The following CPSF1 variants were observed in gnomAD, a reference collection of about 807,000 sequenced individuals.
The protein encoded by CPSF1 is cleavage and polyadenylation specific factor 1.
CPSF1 carries 106 observed loss-of-function variants against 175.8 expected under a neutral mutation model. The observed-to-expected ratio is 0.60, with a 90% CI of 0.52 to 0.71. CPSF1 has a LOEUF of 0.71. CPSF1 is among the 30% of genes least tolerant of loss of function. The probability of loss-of-function intolerance (pLI) is 0.00; values close to 1 mark genes in which losing one functional copy is unlikely to be tolerated. For missense variants in CPSF1, 1,734 were observed against 2,022.9 expected, an observed-to-expected ratio of 0.86 and a Z score of 2.74; for synonymous variants, 1,024 against 858.3, an observed-to-expected ratio of 1.19 and a Z score of -3.37.
At position 144,401,070 on chromosome 8, in the gene CPSF1, C is replaced by A; in HGVS notation, c.393G>T (p.Gly131=). 4 of 1,606,012 alleles carry A rather than the reference C, an allele frequency of 2.5e-6. No homozygotes were observed. The highest frequency in any genetic ancestry group is 2.2e-5 in the South Asian group (2 of 90,388). The change falls in exon 6 of 38, where the codon GGG becomes GGT. Residue 131 remains glycine, a synonymous_variant. Coordinates refer to ENST00000616140, the MANE Select transcript of CPSF1 (RefSeq NM_013291.3). ...GCGGCGTGTGTACATTCTGCACAAACCCGTCCTGGGGGCAGAGGGGGCATC... is the reference window on the plus strand; with the variant it reads ...GCGGCGTGTGTACATTCTGCACAAAACCGTCCTGGGGGCAGAGGGGGCATC... ...HYFEEPELRD[G]FVQNVHTPRV...
In CPSF1 at chr8:144,393,677, G is replaced by A. The variant is rs1820495162; in HGVS notation, c.4135C>T (p.Arg1379Cys). The change falls in exon 36 of 38, where the codon CGC (arginine) becomes TGC (cysteine). Residue 1379 changes from arginine (R) to cysteine (C), a missense_variant. Physicochemically the swap from Arg to Cys is radical, Grantham distance 180. Coordinates refer to ENST00000616140, the MANE Select transcript of CPSF1 (RefSeq NM_013291.3). The part of the protein sequence containing the change: ...MLPHHAGLNP[R>C]AFRMLHVDRR... Reference sequence around the variant, plus strand: ...GGGGCCGGGGCTCACCGGAAGGCGCGGGGGTTGAGGCCGGCGTGGTGTGGC... The same window carrying A: ...GGGGCCGGGGCTCACCGGAAGGCGCAGGGGTTGAGGCCGGCGTGGTGTGGC... The A allele has an allele frequency of 1.3e-6, 2 of 1,563,396 alleles. No homozygotes were observed. The highest frequency in any genetic ancestry group is 1.7e-6 in the Non-Finnish European group (2 of 1,161,132).
In CPSF1 at chr8:144,399,330, T is replaced by C; in HGVS notation, c.1338A>G (p.Glu446=). 6.2e-7 allele frequency: 1 copy of C among 1,612,522 alleles called. No homozygotes were observed. The highest frequency in any genetic ancestry group is 1.1e-5 in the South Asian group (1 of 91,082). ...SVPQDEVDEI[E]VYGSEAQSGT... is the part of the protein sequence containing the mutation. ...CCGACTGGGCCTCGCTGCCGTACAC[T>C]TCAATCTCGTCCACCTCATCCTGCG... Residue 446 remains glutamate, a synonymous_variant, in exon 14 of 38, where the codon GAA becomes GAG. Coordinates refer to ENST00000616140, the MANE Select transcript of CPSF1 (RefSeq NM_013291.3). This position sits in a 1 kb window ranked among gnomAD's most constrained non-coding sequence, Gnocchi z 6.4.
rs200120943 is a variant in CPSF1, at chr8:144,397,756, C to A, written c.2197G>T (p.Gly733Cys). Residue 733 changes from glycine (G) to cysteine (C), a missense_variant, in exon 21 of 38, where the codon GGC (glycine) becomes TGC (cysteine). Transcript: ENST00000616140. Reference sequence around the variant, plus strand: ...GCCCCCACGCACCTAGTCTCTGAGCCCAGGCCCTCGGCCTCCGGGCCACTG... The same window carrying A: ...GCCCCCACGCACCTAGTCTCTGAGCACAGGCCCTCGGCCTCCGGGCCACTG... Reference protein sequence around the residue: ...GRSGPEAEGLGSETSPTVDDE... With the variant: ...GRSGPEAEGLCSETSPTVDDE... 1.6e-4 allele frequency: 265 copies of A among 1,606,110 alleles called. No homozygotes were observed. Among genetic ancestry groups the A allele is most frequent in the Middle Eastern group, 9.9e-4 (6 of 6,058 alleles).
chr8:144,399,070 C>G lies in CPSF1; in HGVS notation c.1468-32G>C. 1 of 1,549,848 alleles carries G rather than the reference C, an allele frequency of 6.5e-7. No individual in the cohort carries two copies. Among genetic ancestry groups the G allele is most frequent in the East Asian group, 2.4e-5 (1 of 40,996 alleles). On this transcript the variant is annotated intron_variant, in intron 15 of 37. Coordinates refer to ENST00000616140, the MANE Select transcript of CPSF1 (RefSeq NM_013291.3). The surrounding 1 kb of genome is among the most constrained non-coding windows in gnomAD (Gnocchi z 6.4). ...AGGACTCGGGGGTGAGGACTATGCC[C>G]CCCACCCCCCCTCACACTCCAGCCC...
At chr8:144,400,590 G>A (rs2116876494) in intron 7 of CPSF1, 81 bp downstream of exon 7, 92 of 1,600,224 alleles carry the variant, frequency 5.7e-5, no homozygotes, top group Middle Eastern at 1.7e-4. Context: ...CATAGGCCCC[G>A]CCCTAAACCC....
intron 2 of CPSF1, among the ~76,000 whole-genome samples, chr8:144,408,527 G>T (rs1821620640): frequency 6.6e-6 from 1 of 152,144 alleles, no homozygotes; most frequent in South Asian, 2.1e-4. Flanking sequence ...TGCTACCAAT[G>T]TCCTTCCCCC....
chr8:144,408,657 T>C (rs1400894415), intron 2 of CPSF1, among the ~76,000 whole-genome samples: 2 of 152,206 alleles, frequency 1.3e-5, no homozygotes, highest in African/African-American at 2.4e-5. Flanking sequence ...GGTGTGTTTA[T>C]TTAGATGTTC....
At chr8:144,395,766 G>A in intron 26 of CPSF1, 1 of 597,892 alleles carries the variant, frequency 1.7e-6, no homozygotes, top group Non-Finnish European at 3.0e-6. Context: ...TGGGGCTAGG[G>A]GTGCTGGCCA....
rs782490726 is a variant in CPSF1, at chr8:144,393,473, C to T, written c.4263G>A (p.Lys1421=). 9.6e-6 allele frequency: 15 copies of T among 1,561,050 alleles called. No individual in the cohort carries two copies. In the African/African-American group the frequency reaches 1.4e-4, roughly 14 times the overall value. The change falls in exon 37 of 38, where the codon AAG becomes AAA. Residue 1421 remains lysine, a synonymous_variant. Transcript: ENST00000616140. ...TCACTATGTCTGGTGTGGTGCCGAT[C>T]TTCTTGGCTAGCTCGCTGCGCTCCA... ...STMERSELAK[K]IGTTPDIILD...
intron 2 of CPSF1, among the ~76,000 whole-genome samples, chr8:144,403,230 G>A (rs1311168190): frequency 1.3e-5 from 2 of 151,830 alleles, no homozygotes; most frequent in African/African-American, 4.8e-5. Flanking sequence ...CTCAGTAGCT[G>A]GGATTATAGG....
chr8:144,396,377 G>A lies in CPSF1; in HGVS notation c.2950C>T (p.Pro984Ser). ...CTGTTGAAGTACAGGAAGCCGCGGG[G>A]ACAGTTGACATTGTGGAATGGAGCG... ...SFAPFHNVNC[P>S]RGFLYFNRQG... The change falls in exon 26 of 38, where the codon CCC becomes TCC. Residue 984 changes from proline to serine, a missense_variant. Transcript: ENST00000616140. The A allele has an allele frequency of 1.9e-6, 3 of 1,588,600 alleles. No homozygotes were observed. The highest frequency in any genetic ancestry group is 2.6e-6 in the Non-Finnish European group (3 of 1,170,408).
Position 144,401,268 on chromosome 8 carries a change from C to A in CPSF1, c.330G>T (p.Pro110=). The change falls in exon 5 of 38, where the codon CCG becomes CCT. Residue 110 remains proline, a synonymous_variant. Transcript: ENST00000616140. ...DAKLSVVEYD[P]GTHDLKTLSL... is the part of the protein sequence containing the mutation. ...ACAGGGTCTTCAGGTCATGGGTGCC[C>A]GGGTCGTACTCCACCACAGACAGCT... 1 of 1,554,826 alleles carries A rather than the reference C, an allele frequency of 6.4e-7. No homozygotes were observed. The highest frequency in any genetic ancestry group is 1.2e-5 in the South Asian group (1 of 84,726).
intron 4 of CPSF1, 23 bp from the exon 5 acceptor site, chr8:144,401,314 T>C: frequency 1.9e-6 from 3 of 1,586,698 alleles, no homozygotes; most frequent in Non-Finnish European, 2.6e-6. Flanking sequence ...GGCACAGCCG[T>C]GGCTGCCGAC....
intron 2 of CPSF1, among the ~76,000 whole-genome samples, chr8:144,408,126 C>CAGG (rs1821593943): frequency 6.6e-6 from 1 of 152,174 alleles, no homozygotes; most frequent in Non-Finnish European, 1.5e-5. Context: ...GGGTCAGCCC[C>CAGG]TATTCACAAC....
rs782795653 is a variant in CPSF1, at chr8:144,398,152, A to T, written c.1895-20T>A. The T allele has an allele frequency of 7.8e-7, 1 of 1,276,062 alleles. No homozygotes were observed. The highest frequency in any genetic ancestry group is 1.0e-6 in the Non-Finnish European group (1 of 999,148). 79.0% of individuals were successfully genotyped at this position (1,276,062 alleles called of 1,614,324 possible). A position where few individuals can be genotyped will look rare whatever the true frequency, so the allele number is the denominator to read the frequency against. ...GATTCACTGTAGGCATGGGGCAGTC[A>T]GCATGCGCCTCCCCACCACCGTCCC... On this transcript the variant is annotated intron_variant, in intron 19 of 37. Coordinates refer to ENST00000616140, the MANE Select transcript of CPSF1 (RefSeq NM_013291.3).
chr8:144,403,548 A>AT (rs1179741115), intron 2 of CPSF1, among the ~76,000 whole-genome samples: 1 of 151,072 alleles, frequency 6.6e-6, no homozygotes, highest in East Asian at 2.0e-4. Flanking sequence ...CACCTGACTA[A>AT]TTTATTTATT....
chr8:144,395,608 C>T, intron 26 of CPSF1, 57 bp from the exon 27 acceptor site: 2 of 1,451,738 alleles, frequency 1.4e-6, no homozygotes, highest in Non-Finnish European at 1.9e-6. Flanking sequence ...CAGGGGCAGG[C>T]AGGCCCAGGC....
intron 35 of CPSF1, 43 bp downstream of exon 35, chr8:144,393,840 C>T: frequency 6.2e-7 from 1 of 1,600,690 alleles, no homozygotes; most frequent in Non-Finnish European, 8.5e-7. Flanking sequence ...CCAGGCCAAC[C>T]CTAGGGCCCC....
chr8:144,401,001 G>A lies in CPSF1; in HGVS notation c.462C>T (p.Val154=), dbSNP rs2116880386. Residue 154 remains valine (V), a synonymous_variant, in exon 6 of 38, where the codon GTC becomes GTT. Transcript: ENST00000616140. The stretch of plus-strand genomic sequence containing the variant: ...GCAGGACCACCAGCCGCGTGCCGTA[G>A]ACAAGCATGGCTGCACAGCGCCCGT... The part of the protein sequence containing the change: ...DPDGRCAAML[V]YGTRLVVLPF... The A allele has an allele frequency of 6.2e-7, 1 of 1,610,714 alleles. No individual in the cohort carries two copies. The highest frequency in any genetic ancestry group is 8.5e-7 in the Non-Finnish European group (1 of 1,178,564).
Sources: allele counts gnomAD v4.1 joint callset (sites outside exome capture counted in the v4.1 genomes callset), GRCh38; gene constraint gnomAD v4.1.1; non-coding constraint Gnocchi (gnomAD v3.1); transcripts MANE v1.5; gene names NCBI Gene and HGNC (gene_info 2026-07-23, HGNC 2026-07-21).